CLEC16A: variants seen among roughly 807,000 people sequenced by gnomAD.
CLEC16A encodes the protein protein CLEC16A.
A neutral mutation model predicts 109.5 loss-of-function variants in CLEC16A; 51 were observed. That is an observed-to-expected ratio of 0.47 (90% confidence interval 0.37 to 0.59). The LOEUF (loss-of-function observed/expected upper bound fraction) is 0.59. Among genes scored for constraint, CLEC16A ranks in the 20% least tolerant of loss-of-function variants. The probability of loss-of-function intolerance (pLI) is 0.00; values close to 1 mark genes in which losing one functional copy is unlikely to be tolerated. For synonymous variants in CLEC16A, 673 were observed against 564.2 expected, an observed-to-expected ratio of 1.19 and a Z score of -2.73; for missense variants, 1,339 against 1,394.0, an observed-to-expected ratio of 0.96 and a Z score of 0.63.
At chr16:11,142,274 C>A (rs556701801) in intron 22 of CLEC16A, among the ~76,000 whole-genome samples, 1 of 152,340 alleles carries the variant, frequency 6.6e-6, no homozygotes, top group African/African-American at 2.4e-5. Context: ...GCCCGGGAAC[C>A]TGACAAAATT....
intron 18 of CLEC16A, 88 bp downstream of exon 18, chr16:11,051,729 G>A: frequency 6.5e-7 from 1 of 1,532,714 alleles, no homozygotes; most frequent in Non-Finnish European, 8.9e-7. Flanking sequence ...CTTTGTCAAA[G>A]TCAAGAGCCT....
chr16:10,949,266 C>T (rs1169236181), intron 1 of CLEC16A, among the ~76,000 whole-genome samples: 2 of 152,104 alleles, frequency 1.3e-5, no homozygotes, highest in Admixed American at 6.6e-5. Context: ...CTTAAAATAT[C>T]GTCTTCACCA....
intron 22 of CLEC16A, among the ~76,000 whole-genome samples, chr16:11,149,370 G>T (rs2054201827): frequency 6.6e-6 from 1 of 152,114 alleles, no homozygotes; most frequent in Admixed American, 6.5e-5. Context: ...ACAGGAAGAA[G>T]AAATCACAAT....
chr16:11,169,034 C>G (rs2068394158), intron 23 of CLEC16A, among the ~76,000 whole-genome samples: 2 of 152,208 alleles, frequency 1.3e-5, no homozygotes, highest in Admixed American at 1.3e-4. Context: ...GGCCTCTCCT[C>G]CAAGCTCATT....
At chr16:10,949,817 C>T (rs1193947412) in intron 1 of CLEC16A, among the ~76,000 whole-genome samples, 1 of 152,188 alleles carries the variant, frequency 6.6e-6, no homozygotes, top group African/African-American at 2.4e-5. Flanking sequence ...CTGCCGTCCC[C>T]TGGTGAGTTA....
At chr16:11,138,608 A>C (rs2053678368) in intron 22 of CLEC16A, among the ~76,000 whole-genome samples, 1 of 152,146 alleles carries the variant, frequency 6.6e-6, no homozygotes, top group African/African-American at 2.4e-5. Context: ...CGGATGAGAA[A>C]AGTCCCACAG....
intron 8 of CLEC16A, among the ~76,000 whole-genome samples, chr16:10,978,748 ATTGG>A (rs978757165): frequency 1.3e-5 from 2 of 152,236 alleles, no homozygotes; most frequent in African/African-American, 4.8e-5. Flanking sequence ...AAGTATGAGA[ATTGG>A]AGTTTTCAGA....
At chr16:11,060,066 A>C (rs536090564) in intron 18 of CLEC16A, among the ~76,000 whole-genome samples, 18 of 152,258 alleles carry the variant, frequency 1.2e-4, no homozygotes, top group African/African-American at 4.1e-4. Flanking sequence ...TTCTGCACAC[A>C]CGGCTCCGAC....
At chr16:11,129,762 C>CTTT (rs34035128) in intron 22 of CLEC16A, among the ~76,000 whole-genome samples, 5 of 125,574 alleles carry the variant, frequency 4.0e-5, no homozygotes, top group East Asian at 2.2e-4. Context: ...GGCCTGGTTC[C>CTTT]TTTTTTTTTT....
chr16:11,011,048 G>A (rs894413305), intron 11 of CLEC16A, among the ~76,000 whole-genome samples: 10 of 152,154 alleles, frequency 6.6e-5, no homozygotes, highest in African/African-American at 2.2e-4. Context: ...GGTGATGTTC[G>A]TTTTGGTCAC....
rs1488667334 is a variant in CLEC16A at position 11,178,949 on chromosome 16, C to G, written c.*259C>G. The G allele has an allele frequency of 4.8e-6, 2 of 415,452 alleles. No homozygotes were observed. The highest frequency in any genetic ancestry group is 8.5e-6 in the Non-Finnish European group (2 of 235,286). The allele number at this position is 415,452 out of a possible 1,614,324, so 25.7% of individuals were successfully genotyped here. A position where few individuals can be genotyped will look rare whatever the true frequency, so the allele number is the denominator to read the frequency against. On this transcript the variant is annotated 3_prime_UTR_variant, in exon 24 of 24. Coordinates refer to ENST00000409790, the MANE Select transcript of CLEC16A (RefSeq NM_015226.3). This position sits in a 1 kb window ranked among gnomAD's most constrained non-coding sequence, Gnocchi z 6.5. ...AATGCAGATGACTGCACCGGCCACT[C>G]AGGGAGCTGCCTGGGCTCCGTGTCT...
At chr16:11,101,121 G>C (rs80295118) in intron 19 of CLEC16A, among the ~76,000 whole-genome samples, 1 of 152,216 alleles carries the variant, frequency 6.6e-6, no homozygotes, top group East Asian at 1.9e-4. Flanking sequence ...CTCTTTGTTC[G>C]TGTTATATTT....
At chr16:11,013,563 G>A (rs1266059084) in intron 11 of CLEC16A, among the ~76,000 whole-genome samples, 6 of 152,072 alleles carry the variant, frequency 3.9e-5, no homozygotes, top group African/African-American at 1.4e-4. Flanking sequence ...TCAGGAGTTC[G>A]AGACCAACCT....
intron 16 of CLEC16A, among the ~76,000 whole-genome samples, chr16:11,046,612 C>T (rs184641985): frequency 4.5e-4 from 69 of 152,242 alleles, no homozygotes; most frequent in Admixed American, 2.0e-3. Flanking sequence ...TGTGCCTCCT[C>T]GCATTTCATG....
At chr16:11,088,911 T>C (rs771873424) in intron 19 of CLEC16A, among the ~76,000 whole-genome samples, 2 of 152,274 alleles carry the variant, frequency 1.3e-5, no homozygotes, top group Non-Finnish European at 2.9e-5. Context: ...CATATTCACA[T>C]TGTAAAAGGC....
At chr16:11,136,613 G>C (rs2053576808) in intron 22 of CLEC16A, among the ~76,000 whole-genome samples, 1 of 152,226 alleles carries the variant, frequency 6.6e-6, no homozygotes, top group South Asian at 2.1e-4. Flanking sequence ...ACATGCTGCA[G>C]TGGCACAGAG....
At chr16:11,148,614 A>G (rs2054165580) in intron 22 of CLEC16A, among the ~76,000 whole-genome samples, 1 of 152,054 alleles carries the variant, frequency 6.6e-6, no homozygotes, top group African/African-American at 2.4e-5. Flanking sequence ...GCTTGAACCC[A>G]TGTCTGTCTG....
In CLEC16A at chr16:11,174,049, TCGTC is replaced by T; in HGVS notation, c.2807-4285_2807-4282del. The T allele has an allele frequency of 2.6e-6, 1 of 392,104 alleles. No homozygotes were observed. The highest frequency in any genetic ancestry group is 2.7e-5 in the Admixed American group (1 of 36,546). The allele number at this position is 392,104 out of a possible 1,614,324, so 24.3% of individuals were successfully genotyped here. On this transcript the variant is annotated intron_variant, in intron 23 of 23. Coordinates refer to ENST00000409790, the MANE Select transcript of CLEC16A (RefSeq NM_015226.3). The surrounding 1 kb of genome is among the most constrained non-coding windows in gnomAD (Gnocchi z 4.7). Reference sequence around the variant, plus strand: ...GGCACTGCCCCACGACCCTCGCCCCTCGTCAGTGCTCAGCGTCCGCTGCTGCTCA... The same window carrying T: ...GGCACTGCCCCACGACCCTCGCCCCTAGTGCTCAGCGTCCGCTGCTGCTCA...
Position 11,175,366 on chromosome 16 carries a change from G to T in CLEC16A, c.2807-2969G>T, listed in dbSNP as rs190066413. On this transcript the variant is annotated intron_variant, in intron 23 of 23. Transcript: ENST00000409790. ...TCCCCAGCCCGTGGCCAGGAAGTCA[G>T]ACTTTTCTCCAAATCCCTCATTTCC... is the stretch of plus-strand genomic sequence containing the variant. Among the ~76,000 whole-genome samples, 115 of 152,306 alleles carry T rather than the reference G, an allele frequency of 7.6e-4. 1 individual carries two copies. Among genetic ancestry groups the T allele is most frequent in the Non-Finnish European group, 2.1e-4 (14 of 68,030 alleles).
Sources: allele counts gnomAD v4.1 joint callset (sites outside exome capture counted in the v4.1 genomes callset), GRCh38; gene constraint gnomAD v4.1.1; non-coding constraint Gnocchi (gnomAD v3.1); transcripts MANE v1.5; gene names NCBI Gene and HGNC (gene_info 2026-07-23, HGNC 2026-07-21).